The following CHIC1 variants were observed in gnomAD, a reference collection of about 807,000 sequenced individuals.
CHIC1 encodes the protein cysteine-rich hydrophobic domain-containing protein 1.
In CHIC1, 7 loss-of-function variants were observed where a neutral mutation model predicts 18.5. The observed-to-expected ratio is 0.38, with a 90% CI of 0.22 to 0.71. The LOEUF (loss-of-function observed/expected upper bound fraction) is 0.71. CHIC1 is among the 30% of genes least tolerant of loss of function. The pLI is 0.49. For missense variants in CHIC1, 159 were observed against 176.9 expected (o/e 0.90, Z 0.57); for synonymous variants, 77 against 73.5 (o/e 1.05, Z -0.25).
intron 3 of CHIC1, among the ~76,000 whole-genome samples, chrX:73,665,790 G>A (rs761516470): frequency 9.0e-6 from 1 of 111,611 alleles, no homozygotes; most frequent in South Asian, 3.8e-4. Flanking sequence ...TTGCCTGGTC[G>A]CATGGCTAGG....
rs1569506293 is a variant in CHIC1, at chrX:73,682,209, C to T, written c.*1204C>T. ...TTTATAAAACATTAATGAGGAAAGA[C>T]AAGTGTTTAGACAAAAGTATTTTAG... On this transcript the variant is annotated 3_prime_UTR_variant, in exon 6 of 6. Transcript: ENST00000373502. 9.0e-6 allele frequency: 1 copy of T among 111,597 alleles called. No homozygotes were observed. 9.2% of individuals were successfully genotyped at this position (111,597 alleles called of 1,213,427 possible). A position where few individuals can be genotyped will look rare whatever the true frequency, so the allele number is the denominator to read the frequency against.
intron 3 of CHIC1, among the ~76,000 whole-genome samples, chrX:73,629,069 T>G (rs1478203190): frequency 1.8e-5 from 2 of 111,752 alleles, no homozygotes; most frequent in Admixed American, 1.9e-4. Flanking sequence ...CATTCTCTGG[T>G]GATCAGTGAT....
At chrX:73,566,937 A>G (rs773580664) in intron 1 of CHIC1, among the ~76,000 whole-genome samples, 3 of 112,233 alleles carry the variant, frequency 2.7e-5, no homozygotes, top group South Asian at 7.4e-4. Context: ...TTGAACTGAA[A>G]GTTATACGTC....
chrX:73,595,066 A>G (rs1183626207), intron 3 of CHIC1, among the ~76,000 whole-genome samples: 1 of 111,607 alleles, frequency 9.0e-6, no homozygotes, highest in Non-Finnish European at 1.9e-5. Context: ...AAACATTACT[A>G]TACAAGTGCC....
intron 3 of CHIC1, among the ~76,000 whole-genome samples, chrX:73,598,816 A>G (rs2057625852): frequency 9.0e-6 from 1 of 110,599 alleles, no homozygotes; most frequent in South Asian, 3.9e-4. Context: ...CTTTATAGCA[A>G]CATGATTTAG....
rs191813112 is a variant in CHIC1, at chrX:73,585,472, T to C, written c.507+900T>C. On this transcript the variant is annotated intron_variant, in intron 3 of 5. Transcript: ENST00000373502. ...GTAGGTCAGAGCTTCACTTTAAATA[T>C]TGCTTAGTCTATTGTTTGTCAGAGC... 4.1e-4 allele frequency among the ~76,000 whole-genome samples: 46 copies of C among 111,381 alleles called. 1 individual carries two copies. In the East Asian group the frequency reaches 0.013, roughly 31 times the overall value.
chrX:73,610,348 G>A (rs902966594), intron 3 of CHIC1, among the ~76,000 whole-genome samples: 3 of 108,285 alleles, frequency 2.8e-5, no homozygotes, highest in African/African-American at 7.2e-5. Flanking sequence ...TGCATTTTCC[G>A]GGTGAAGTGA....
intron 3 of CHIC1, among the ~76,000 whole-genome samples, chrX:73,635,581 C>G (rs7052402): frequency 0.048 from 5,316 of 111,322 alleles, 325 homozygotes; most frequent in African/African-American, 0.16. Context: ...ATTCCTGATT[C>G]AGCCTTAGTA....
intron 3 of CHIC1, among the ~76,000 whole-genome samples, chrX:73,618,637 A>G (rs2057744660): frequency 8.9e-6 from 1 of 111,931 alleles, no homozygotes; most frequent in Non-Finnish European, 1.9e-5. Flanking sequence ...CACCCCCAAC[A>G]GCACCAAGTT....
intron 3 of CHIC1, among the ~76,000 whole-genome samples, chrX:73,644,969 C>T (rs1031072018): frequency 1.8e-5 from 2 of 112,369 alleles, no homozygotes; most frequent in Admixed American, 9.4e-5. Context: ...CGGTGCGCTG[C>T]ACCCACTGTC....
At chrX:73,591,404 C>T (rs1219258536) in intron 3 of CHIC1, among the ~76,000 whole-genome samples, 1 of 109,990 alleles carries the variant, frequency 9.1e-6, no homozygotes, top group African/African-American at 3.3e-5. Context: ...CACACTTTTT[C>T]ATTGGGTTGT....
At chrX:73,583,371 T>C (rs188705628) in intron 2 of CHIC1, among the ~76,000 whole-genome samples, 51 of 111,401 alleles carry the variant, frequency 4.6e-4, no homozygotes, top group Non-Finnish European at 8.1e-4. Context: ...ATGTAATAAA[T>C]TGATTCCTCG....
Position 73,682,099 on chromosome X carries a change from A to G in CHIC1, c.*1094A>G, listed in dbSNP as rs1309063857. On this transcript the variant is annotated 3_prime_UTR_variant, in exon 6 of 6. Coordinates refer to ENST00000373502, the MANE Select transcript of CHIC1 (RefSeq NM_001039840.4). Reference sequence around the variant, plus strand: ...ATATTCTAGTTTGAGAAAGAGAGAGAACTATTTGAGAAGCTGTAGCTAAAG... The same window carrying G: ...ATATTCTAGTTTGAGAAAGAGAGAGGACTATTTGAGAAGCTGTAGCTAAAG... The G allele has an allele frequency of 9.0e-6, 1 of 111,504 alleles. No individual in the cohort carries two copies. The highest frequency in any genetic ancestry group is 3.2e-5 in the African/African-American group (1 of 30,826). The allele number at this position is 111,504 out of a possible 1,213,427, so 9.2% of individuals were successfully genotyped here.
intron 3 of CHIC1, among the ~76,000 whole-genome samples, chrX:73,670,600 A>G (rs2058025422): frequency 9.4e-6 from 1 of 106,368 alleles, no homozygotes; most frequent in South Asian, 3.9e-4. Flanking sequence ...TTCTATTCTT[A>G]TATTTCTTTC....
chrX:73,605,135 A>C (rs1181261194), intron 3 of CHIC1, among the ~76,000 whole-genome samples: 1 of 107,778 alleles, frequency 9.3e-6, no homozygotes, highest in African/African-American at 3.6e-5. Context: ...TAGGAGTCTG[A>C]GTCTCTTTAT....
Position 73,686,521 on chromosome X carries a change from T to C in CHIC1, c.*5516T>C, listed in dbSNP as rs1300387698. The C allele has an allele frequency of 2.2e-4, 25 of 112,108 alleles. No homozygotes were observed. Among genetic ancestry groups the C allele is most frequent in the Non-Finnish European group, 1.9e-4 (10 of 53,052 alleles). The allele number at this position is 112,108 out of a possible 1,213,427, so 9.2% of individuals were successfully genotyped here. A position where few individuals can be genotyped will look rare whatever the true frequency, so the allele number is the denominator to read the frequency against. On this transcript the variant is annotated 3_prime_UTR_variant, in exon 6 of 6. Transcript: ENST00000373502. The stretch of plus-strand genomic sequence containing the variant: ...CTGTGTATAAATTCAACATGATGAA[T>C]CAAGGCAATAATTTCTCAAATGTTC...
At chrX:73,620,328 T>TA (rs1419258163) in intron 3 of CHIC1, among the ~76,000 whole-genome samples, 1 of 112,064 alleles carries the variant, frequency 8.9e-6, no homozygotes, top group African/African-American at 3.2e-5. Flanking sequence ...ACCAACAGTG[T>TA]AAAAGCGTTC....
At chrX:73,639,113 C>T (rs1480425667) in intron 3 of CHIC1, among the ~76,000 whole-genome samples, 1 of 111,996 alleles carries the variant, frequency 8.9e-6, no homozygotes, top group Non-Finnish European at 1.9e-5. Context: ...CCATTTTCTA[C>T]AGTGGTTTTC....
intron 3 of CHIC1, among the ~76,000 whole-genome samples, chrX:73,620,479 T>G (rs1301172234): frequency 2.7e-5 from 3 of 112,214 alleles, no homozygotes; most frequent in Non-Finnish European, 5.6e-5. Flanking sequence ...TTTTTACATG[T>G]TTTTTGGCTG....
Sources: allele counts gnomAD v4.1 joint callset (sites outside exome capture counted in the v4.1 genomes callset), GRCh38; gene constraint gnomAD v4.1.1; transcripts MANE v1.5; gene names NCBI Gene and HGNC (gene_info 2026-07-23, HGNC 2026-07-21).